Variants in IL18RAP observed in about 807,000 individuals in gnomAD.
IL18RAP encodes interleukin 18 receptor accessory protein.
A neutral mutation model predicts 58.1 loss-of-function variants in IL18RAP; 37 were observed. That is an observed-to-expected ratio of 0.64 (90% CI 0.49 to 0.84). The LOEUF is 0.84. Among genes scored for constraint, IL18RAP ranks in the 40% least tolerant of loss-of-function variants. The pLI is 0.00. For missense variants in IL18RAP, 667 were observed against 704.8 expected (o/e 0.95, Z 0.61); for synonymous variants, 268 against 257.5 (o/e 1.04, Z -0.39).
intron 7 of IL18RAP, among the ~76,000 whole-genome samples, chr2:102,445,642 G>A (rs1208299423): frequency 1.3e-5 from 2 of 152,162 alleles, no homozygotes; most frequent in Admixed American, 1.3e-4. Flanking sequence ...CAATAGCTAT[G>A]GGGTATGCCC....
At position 102,451,805 on chromosome 2, in the gene IL18RAP, G is replaced by A; in HGVS notation, c.1424G>A (p.Arg475Lys). ...ATTGTGAGCATTATTAAGAGAAGCAGAAGAGGAATATTTATCTTGAGCCCC... is the reference window on the plus strand; with the variant it reads ...ATTGTGAGCATTATTAAGAGAAGCAAAAGAGGAATATTTATCTTGAGCCCC... ...EDIVSIIKRS[R>K]RGIFILSPNY... is the part of the protein sequence containing the mutation. Residue 475 changes from arginine to lysine, a missense_variant, in exon 10 of 10, where the codon AGA becomes AAA. Coordinates refer to ENST00000687160, the MANE Select transcript of IL18RAP (RefSeq NM_001393487.1). The A allele has an allele frequency of 6.2e-7, 1 of 1,613,814 alleles. No homozygotes were observed. The highest frequency in any genetic ancestry group is 2.2e-5 in the East Asian group (1 of 44,874).
chr2:102,437,089 A>C, intron 3 of IL18RAP, 123 bp from the exon 4 acceptor site: 1 of 818,392 alleles, frequency 1.2e-6, no homozygotes, highest in South Asian at 1.9e-5. Context: ...AGCTTGTGAG[A>C]TACCCTTATC....
In IL18RAP at chr2:102,451,778, A is replaced by C; in HGVS notation, c.1397A>C (p.Asp466Ala). ...GTTTTATTTCCAGTGTATGCAGAAG[A>C]CATTGTGAGCATTATTAAGAGAAGC... ...DVAPGGVYAE[D>A]IVSIIKRSRR... is the part of the protein sequence containing the mutation. The change falls in exon 10 of 10, where the codon GAC becomes GCC. Residue 466 changes from aspartate to alanine, a missense_variant. By Grantham distance (126) the Asp-to-Ala change is moderately radical. Transcript: ENST00000687160. 1.2e-6 allele frequency: 2 copies of C among 1,611,068 alleles called. No homozygotes were observed. The highest frequency in any genetic ancestry group is 2.2e-5 in the South Asian group (2 of 90,812).
intron 7 of IL18RAP, among the ~76,000 whole-genome samples, chr2:102,446,323 T>C (rs1199125441): frequency 6.6e-6 from 1 of 152,066 alleles, no homozygotes; most frequent in Non-Finnish European, 1.5e-5. Flanking sequence ...GTTTTGGGGG[T>C]ACAGGTGGTT....
intron 3 of IL18RAP, among the ~76,000 whole-genome samples, chr2:102,433,641 G>T (rs995865117): frequency 3.3e-5 from 5 of 152,036 alleles, no homozygotes; most frequent in African/African-American, 1.2e-4. Flanking sequence ...CACCTCCCAG[G>T]TTCAAGCTAT....
intron 4 of IL18RAP, chr2:102,438,918 C>A (rs1318644989): frequency 6.6e-6 from 1 of 152,256 alleles, no homozygotes; most frequent in Non-Finnish European, 1.5e-5. Context: ...TGGAGGCCCA[C>A]CAGACCCAAC....
chr2:102,444,986 CTT>C (rs1683325823), intron 6 of IL18RAP, among the ~76,000 whole-genome samples: 1 of 152,172 alleles, frequency 6.6e-6, no homozygotes, highest in South Asian at 2.1e-4. Flanking sequence ...TAAATAATGT[CTT>C]AGCGTGAATG....
chr2:102,451,107 G>A, intron 9 of IL18RAP, 86 bp downstream of exon 9: 1 of 1,125,452 alleles, frequency 8.9e-7, no homozygotes, highest in Non-Finnish European at 1.3e-6. Context: ...TCTTTGTTTT[G>A]GAATATAGAT....
chr2:102,443,425 C>T (rs1352614876), intron 6 of IL18RAP, 102 bp downstream of exon 6: 1 of 1,315,852 alleles, frequency 7.6e-7, no homozygotes, highest in Non-Finnish European at 1.0e-6. Context: ...GCCACCAGCA[C>T]CGACTAGTGG....
intron 8 of IL18RAP, among the ~76,000 whole-genome samples, chr2:102,450,234 C>T (rs1488875571): frequency 6.6e-6 from 1 of 152,280 alleles, no homozygotes; most frequent in Non-Finnish European, 1.5e-5. Context: ...AAGTTATATA[C>T]ATATAGTTTT....
chr2:102,423,059 GT>G (rs1343381938), upstream of IL18RAP: 9 of 579,188 alleles, frequency 1.6e-5, no homozygotes, highest in Non-Finnish European at 2.8e-5. Context: ...AAATACTCAC[GT>G]AAGTTATAGG....
intron 3 of IL18RAP, among the ~76,000 whole-genome samples, chr2:102,427,537 G>A (rs1435666249): frequency 1.3e-5 from 2 of 151,954 alleles, no homozygotes; most frequent in South Asian, 2.1e-4. Flanking sequence ...TATCTTTTCA[G>A]GTCTCTTGCC....
intron 3 of IL18RAP, among the ~76,000 whole-genome samples, chr2:102,436,678 A>T (rs571339086): frequency 7.1e-6 from 1 of 140,234 alleles, no homozygotes; most frequent in Non-Finnish European, 1.6e-5. Flanking sequence ...TTTGTCAGAG[A>T]GAGAAAAAAA....
At chr2:102,444,059 T>A (rs1558645351) in intron 6 of IL18RAP, among the ~76,000 whole-genome samples, 1 of 152,354 alleles carries the variant, frequency 6.6e-6, no homozygotes, top group East Asian at 1.9e-4. Context: ...CTCCAAAGGA[T>A]GCATTCCCTG....
In IL18RAP at chr2:102,450,877, TA is replaced by T; in HGVS notation, c.1241del (p.Tyr414LeufsTer15). ...AAAGGATTTTGATGCTTTCGTATCC[TA>T]TGCAAAATGGAGCTCTTTTCCAAGT... Reference protein sequence around the residue: ...DKKDFDAFVSYAKWSSFPSEA... With the variant: ...DKKDFDAFVSXAKWSSFPSEA... On this transcript the variant is annotated frameshift_variant, in exon 9 of 10. Coordinates refer to ENST00000687160, the MANE Select transcript of IL18RAP (RefSeq NM_001393487.1). LOFTEE classifies it high-confidence loss of function. The T allele has an allele frequency of 6.2e-7, 1 of 1,605,894 alleles. No individual in the cohort carries two copies. The highest frequency in any genetic ancestry group is 8.5e-7 in the Non-Finnish European group (1 of 1,177,342).
chr2:102,438,940 C>G (rs537364485), intron 4 of IL18RAP: 2 of 152,260 alleles, frequency 1.3e-5, no homozygotes, highest in Non-Finnish European at 2.9e-5. Context: ...TGGGGAAGCC[C>G]GCTCCAAGTG....
At chr2:102,442,307 T>A (rs188700340) in intron 5 of IL18RAP, among the ~76,000 whole-genome samples, 8 of 151,804 alleles carry the variant, frequency 5.3e-5, no homozygotes, top group Admixed American at 2.6e-4. Flanking sequence ...TATAAATTTT[T>A]TTATTATTAT....
At chr2:102,431,509 C>A (rs1220189183) in intron 3 of IL18RAP, among the ~76,000 whole-genome samples, 1 of 152,144 alleles carries the variant, frequency 6.6e-6, no homozygotes, top group Non-Finnish European at 1.5e-5. Flanking sequence ...AATATGCTTT[C>A]TGACTTCTTT....
rs774759814 is a variant in IL18RAP at position 102,423,947 on chromosome 2, G to A, written c.207G>A (p.Glu69=). 6.2e-7 allele frequency: 1 copy of A among 1,614,046 alleles called. No individual in the cohort carries two copies. The highest frequency in any genetic ancestry group is 8.5e-7 in the Non-Finnish European group (1 of 1,180,004). The change falls in exon 2 of 10, where the codon GAG becomes GAA. Residue 69 remains glutamate, a synonymous_variant. Coordinates refer to ENST00000687160, the MANE Select transcript of IL18RAP (RefSeq NM_001393487.1). ...RNRLSPKQVP[E]HLPFMGSNDL... ...GACTCTCACCAAAACAAGTCCCTGA[G>A]CACCTGCCCTTCATGGGTAGTAACG...
Sources: gnomAD v4.1 joint callset for allele counts (sites outside exome capture counted in the v4.1 genomes callset) on GRCh38, gnomAD v4.1.1 for gene constraint, MANE v1.5 for transcripts, NCBI Gene and HGNC (gene_info 2026-07-23, HGNC 2026-07-21) for gene names.